UBXN7: variants seen among roughly 807,000 people sequenced by gnomAD.
The protein encoded by UBXN7 is UBX domain protein 7, also known as UBX domain-containing protein 7.
UBXN7 carries 9 observed loss-of-function variants against 58.0 expected under a neutral mutation model. The ratio of observed to expected loss-of-function variants is 0.16; its 90% CI spans 0.09 to 0.27. The LOEUF is 0.27. Among genes scored for constraint, UBXN7 ranks in the 10% least tolerant of loss-of-function variants. UBXN7 has a pLI of 1.00. For missense variants in UBXN7, 328 were observed against 599.6 expected, an observed-to-expected ratio of 0.55 and a Z score of 4.73; for synonymous variants, 208 against 205.0, an observed-to-expected ratio of 1.01 and a Z score of -0.12.
chr3:196,420,244 T>G (rs1484850518), intron 1 of UBXN7, among the ~76,000 whole-genome samples: 2 of 152,096 alleles, frequency 1.3e-5, no homozygotes, highest in Non-Finnish European at 2.9e-5. Flanking sequence ...AAAAATGGGC[T>G]TTTTGGGACT....
At chr3:196,379,950 T>C (rs1729149998) in intron 5 of UBXN7, among the ~76,000 whole-genome samples, 1 of 151,916 alleles carries the variant, frequency 6.6e-6, no homozygotes, top group Non-Finnish European at 1.5e-5. Context: ...GCCTATAGAG[T>C]AAAGTGAAAG....
intron 3 of UBXN7, among the ~76,000 whole-genome samples, chr3:196,394,733 G>A (rs147910563): frequency 6.6e-6 from 1 of 152,188 alleles, no homozygotes; most frequent in South Asian, 2.1e-4. Flanking sequence ...GGTTAGCCCT[G>A]TTGTATAGAG....
intron 10 of UBXN7, among the ~76,000 whole-genome samples, chr3:196,359,333 C>T (rs767279126): frequency 1.3e-5 from 2 of 152,150 alleles, no homozygotes; most frequent in Non-Finnish European, 2.9e-5. Context: ...GTTTTCCCAT[C>T]TCTCTCCCTC....
intron 5 of UBXN7, among the ~76,000 whole-genome samples, chr3:196,372,490 C>T (rs960240350): frequency 1.3e-5 from 2 of 151,684 alleles, no homozygotes; most frequent in Admixed American, 6.6e-5. Context: ...TAAAGGCGTG[C>T]CCCAACACGC....
rs1728257345 is a variant in UBXN7, at chr3:196,353,200, T to C, written c.*3485A>G. On this transcript the variant is annotated 3_prime_UTR_variant, in exon 11 of 11. Transcript: ENST00000296328. ...TCTCTTGCTGAAGGAGACCACAGCA[T>C]GGACTCTGGATTCCAATTCTGATTT... 1 of 152,336 alleles carries C rather than the reference T, an allele frequency of 6.6e-6. No homozygotes were observed. Among genetic ancestry groups the C allele is most frequent in the Middle Eastern group, 3.4e-3 (1 of 294 alleles). The allele number at this position is 152,336 out of a possible 1,614,324, so 9.4% of individuals were successfully genotyped here.
At chr3:196,409,580 A>G (rs564308969) in intron 1 of UBXN7, among the ~76,000 whole-genome samples, 8 of 152,228 alleles carry the variant, frequency 5.3e-5, no homozygotes, top group African/African-American at 1.9e-4. Flanking sequence ...GGCACTACCA[A>G]ACTGAGACCA....
chr3:196,415,725 T>G (rs753762678), intron 1 of UBXN7, among the ~76,000 whole-genome samples: 1 of 151,400 alleles, frequency 6.6e-6, no homozygotes, highest in African/African-American at 2.4e-5. Context: ...AAGGTTGCAG[T>G]GAGCCAAGAT....
At chr3:196,425,652 A>G (rs138162197) in intron 1 of UBXN7, among the ~76,000 whole-genome samples, 1 of 152,090 alleles carries the variant, frequency 6.6e-6, no homozygotes, top group Non-Finnish European at 1.5e-5. Flanking sequence ...CCAATCTCCC[A>G]TTTATCTCTT....
chr3:196,418,742 AACAGAAAGGATTCTACAGAGAATG>A (rs1231739260), intron 1 of UBXN7, among the ~76,000 whole-genome samples: 2 of 152,224 alleles, frequency 1.3e-5, no homozygotes, highest in East Asian at 3.8e-4. Context: ...TAAACATTAA[AACAGAAAGGATTCTACAGAGAATG>A]ACATTACGAC....
intron 10 of UBXN7, among the ~76,000 whole-genome samples, chr3:196,361,043 C>T (rs773934208): frequency 6.6e-6 from 1 of 152,084 alleles, no homozygotes; most frequent in Non-Finnish European, 1.5e-5. Flanking sequence ...GGAAAGGATT[C>T]AGCAGTCTAA....
At chr3:196,383,597 G>C (rs564740152) in intron 5 of UBXN7, among the ~76,000 whole-genome samples, 8 of 152,096 alleles carry the variant, frequency 5.3e-5, no homozygotes, top group African/African-American at 1.9e-4. Context: ...ACAACAAACT[G>C]TCTCTCAGAC....
At chr3:196,359,073 G>C (rs1040865479) in intron 10 of UBXN7, among the ~76,000 whole-genome samples, 5 of 152,122 alleles carry the variant, frequency 3.3e-5, no homozygotes, top group African/African-American at 1.2e-4. Context: ...TGTGCTTCAA[G>C]TTACTGAAGG....
intron 5 of UBXN7, among the ~76,000 whole-genome samples, chr3:196,384,847 C>A (rs1449329062): frequency 2.0e-5 from 3 of 152,160 alleles, no homozygotes; most frequent in East Asian, 3.8e-4. Context: ...CAATACCATA[C>A]TGAATGGGCA....
rs771869459 is a variant in UBXN7 at position 196,407,329 on chromosome 3, G to A, written c.138C>T (p.Val46=). The change falls in exon 2 of 11, where the codon GTC becomes GTT. Residue 46 remains valine (V), a synonymous_variant. Coordinates refer to ENST00000296328, the MANE Select transcript of UBXN7 (RefSeq NM_015562.2). ...EACNNNLEMA[V]TMFLDGGGIA... The stretch of plus-strand genomic sequence containing the variant: ...TTCCTCCACCATCCAAAAACATAGT[G>A]ACTGCCATTTCCAGATTATTGTTGC... 3 of 1,613,194 alleles carry A rather than the reference G, an allele frequency of 1.9e-6. No individual in the cohort carries two copies. Among genetic ancestry groups the A allele is most frequent in the Non-Finnish European group, 1.7e-6 (2 of 1,179,948 alleles).
intron 4 of UBXN7, 66 bp from the exon 5 acceptor site, chr3:196,391,991 A>C (rs951831427): frequency 3.0e-5 from 24 of 793,180 alleles, no homozygotes; most frequent in East Asian, 1.2e-4. Context: ...AAAAAAAAAA[A>C]AAAAAACACA....
chr3:196,413,698 A>G (rs1048890074), intron 1 of UBXN7, among the ~76,000 whole-genome samples: 2 of 152,148 alleles, frequency 1.3e-5, no homozygotes, highest in African/African-American at 2.4e-5. Flanking sequence ...CATCTCTTAC[A>G]TGAATTACTG....
intron 5 of UBXN7, among the ~76,000 whole-genome samples, chr3:196,372,474 T>A (rs977680167): frequency 6.6e-6 from 1 of 151,848 alleles, no homozygotes. Flanking sequence ...CCCAAGTAGT[T>A]GGGATTAAAG....
intron 5 of UBXN7, among the ~76,000 whole-genome samples, chr3:196,374,995 G>GAA: frequency 1.3e-5 from 1 of 76,090 alleles, no homozygotes; most frequent in Admixed American, 1.0e-4. Flanking sequence ...AGGGAGGGAG[G>GAA]GAGGGAGGGA....
chr3:196,396,580 G>A (rs1352948697), intron 3 of UBXN7, among the ~76,000 whole-genome samples: 3 of 151,956 alleles, frequency 2.0e-5, no homozygotes, highest in Non-Finnish European at 4.4e-5. Context: ...GGCTAACACG[G>A]TGAAACCCCA....
Sources: allele counts gnomAD v4.1 joint callset (sites outside exome capture counted in the v4.1 genomes callset), GRCh38; gene constraint gnomAD v4.1.1; transcripts MANE v1.5; gene names NCBI Gene and HGNC (gene_info 2026-07-23, HGNC 2026-07-21).